The following BTRC variants were observed in gnomAD, a reference collection of about 807,000 sequenced individuals.
BTRC encodes the protein F-box/WD repeat-containing protein 1A.
Under a neutral mutation model 85.5 loss-of-function variants are expected in BTRC, and 42 were observed. The observed-to-expected ratio is 0.49, with a 90% CI of 0.38 to 0.64. The LOEUF is 0.64. Ranked by LOEUF, BTRC falls within the 30% of genes least tolerant of loss-of-function variation. The pLI is 0.00. For synonymous variants in BTRC, 255 were observed against 263.3 expected (o/e 0.97, Z 0.30); for missense variants, 594 against 743.5 (o/e 0.80, Z 2.34).
At chr10:101,397,835 A>G (rs1943402603) in intron 1 of BTRC, among the ~76,000 whole-genome samples, 1 of 152,196 alleles carries the variant, frequency 6.6e-6, no homozygotes, top group Non-Finnish European at 1.5e-5. Context: ...CTATGAACAG[A>G]TGGATTTGAT....
intron 4 of BTRC, among the ~76,000 whole-genome samples, chr10:101,499,942 C>G (rs773784415): frequency 2.6e-5 from 4 of 151,818 alleles, no homozygotes; most frequent in African/African-American, 4.8e-5. Context: ...AGAAAAAGCT[C>G]TCTGCAATAC....
intron 1 of BTRC, among the ~76,000 whole-genome samples, chr10:101,408,208 C>T (rs911753921): frequency 5.3e-5 from 8 of 151,948 alleles, no homozygotes; most frequent in Non-Finnish European, 1.0e-4. Flanking sequence ...TATGTTTAGA[C>T]CATACATTTA....
At chr10:101,467,575 A>G (rs539227335) in intron 3 of BTRC, among the ~76,000 whole-genome samples, 1 of 152,180 alleles carries the variant, frequency 6.6e-6, no homozygotes, top group East Asian at 1.9e-4. Flanking sequence ...TGTCTTGTAA[A>G]TACTTTCGTT....
At chr10:101,530,728 G>C (rs1564829122) in intron 6 of BTRC, among the ~76,000 whole-genome samples, 1 of 152,194 alleles carries the variant, frequency 6.6e-6, no homozygotes, top group Non-Finnish European at 1.5e-5. Context: ...AAGCAAATCA[G>C]TGTTGGTCAG....
chr10:101,500,739 C>T (rs1007480001), intron 4 of BTRC, among the ~76,000 whole-genome samples: 1 of 152,086 alleles, frequency 6.6e-6, no homozygotes, highest in Non-Finnish European at 1.5e-5. Context: ...TTAAAGTCAG[C>T]ATGTAGAAAA....
At chr10:101,477,064 C>T (rs1293036719) in intron 3 of BTRC, among the ~76,000 whole-genome samples, 2 of 152,186 alleles carry the variant, frequency 1.3e-5, no homozygotes, top group African/African-American at 4.8e-5. Flanking sequence ...GCAGCCTCTG[C>T]CTCCCGGGTT....
intron 2 of BTRC, among the ~76,000 whole-genome samples, chr10:101,432,522 T>C (rs951821156): frequency 2.0e-5 from 3 of 152,186 alleles, no homozygotes; most frequent in African/African-American, 7.2e-5. Context: ...TTGTTTTGTT[T>C]TTTAACCTTT....
chr10:101,366,984 T>A lies in BTRC; in HGVS notation c.48+12756T>A, dbSNP rs1243582530. Among the ~76,000 whole-genome samples the A allele has an allele frequency of 1.9e-4, 12 of 63,464 alleles. 1 individual carries two copies. The highest frequency in any genetic ancestry group is 1.8e-3 in the South Asian group (5 of 2,738). The allele number at this position is 63,464 out of a possible 152,430, so 41.6% of individuals were successfully genotyped here. On this transcript the variant is annotated intron_variant, in intron 1 of 14. Transcript: ENST00000370187. The stretch of plus-strand genomic sequence containing the variant: ...TTTATATAAATATATATTTATATAT[T>A]TATATATATTAATATATATATTTAT...
At chr10:101,373,364 GC>G (rs1393643328) in intron 1 of BTRC, among the ~76,000 whole-genome samples, 43 of 152,294 alleles carry the variant, frequency 2.8e-4, no homozygotes, top group African/African-American at 1.0e-3. Flanking sequence ...CTGGGCTTGA[GC>G]TAGGGCAGTA....
chr10:101,377,847 G>A (rs1205638306), intron 1 of BTRC, among the ~76,000 whole-genome samples: 1 of 152,096 alleles, frequency 6.6e-6, no homozygotes, highest in African/African-American at 2.4e-5. Context: ...CCATGTGACA[G>A]TGTGGATAAG....
At position 101,372,036 on chromosome 10, in the gene BTRC, G is replaced by T. The variant is rs1262168763; in HGVS notation, c.48+17808G>T. On this transcript the variant is annotated intron_variant, in intron 1 of 14. Transcript: ENST00000370187. ...AAGATTGTTCTTTTTCTATTGCAGG[G>T]TCATTTTTGTCATATTAATGTCTAT... Among the ~76,000 whole-genome samples the T allele has an allele frequency of 2.6e-5, 4 of 151,844 alleles. No individual in the cohort carries two copies. The South Asian group carries it at 6.2e-4, about 24-fold the overall frequency.
At chr10:101,446,234 G>A (rs2134125847) in intron 2 of BTRC, among the ~76,000 whole-genome samples, 1 of 151,584 alleles carries the variant, frequency 6.6e-6, no homozygotes, top group East Asian at 2.0e-4. Flanking sequence ...AATTTCCTGT[G>A]GAAACGGAAA....
chr10:101,480,005 A>C (rs1031181336), intron 4 of BTRC, among the ~76,000 whole-genome samples: 3 of 152,194 alleles, frequency 2.0e-5, no homozygotes, highest in African/African-American at 7.2e-5. Flanking sequence ...AATTAATCTT[A>C]AATATTAGAG....
intron 2 of BTRC, among the ~76,000 whole-genome samples, chr10:101,452,635 A>G (rs1002723401): frequency 1.3e-5 from 2 of 152,080 alleles, no homozygotes; most frequent in Middle Eastern, 3.2e-3. Flanking sequence ...AGGCAGTGCT[A>G]ATGGAAGTCC....
At chr10:101,551,062 C>G in intron 14 of BTRC, 171 bp downstream of exon 14, 1 of 537,764 alleles carries the variant, frequency 1.9e-6, no homozygotes, top group Non-Finnish European at 3.1e-6. Flanking sequence ...TGGACAGTGC[C>G]TTTCACCAAG....
chr10:101,547,068 A>G (rs879676543), intron 13 of BTRC, among the ~76,000 whole-genome samples: 9 of 152,208 alleles, frequency 5.9e-5, no homozygotes, highest in Non-Finnish European at 2.9e-5. Context: ...AAAGAAAAAT[A>G]CAGACTAATA....
At chr10:101,550,459 ATT>A (rs1403707737) in intron 13 of BTRC, among the ~76,000 whole-genome samples, 1 of 151,556 alleles carries the variant, frequency 6.6e-6, no homozygotes, top group African/African-American at 2.4e-5. Flanking sequence ...AACTTTTTGT[ATT>A]TTTATAGAGA....
chr10:101,511,475 C>T, intron 4 of BTRC, among the ~76,000 whole-genome samples: 1 of 152,134 alleles, frequency 6.6e-6, no homozygotes, highest in East Asian at 1.9e-4. Context: ...AGTTCTCGTG[C>T]CTCAGACTCC....
intron 13 of BTRC, among the ~76,000 whole-genome samples, chr10:101,538,713 C>A (rs2062423836): frequency 6.6e-6 from 1 of 152,008 alleles, no homozygotes; most frequent in Non-Finnish European, 1.5e-5. Flanking sequence ...CAAATTGGAA[C>A]CTGTCCAAAA....
Sources: allele counts gnomAD v4.1 joint callset (sites outside exome capture counted in the v4.1 genomes callset), GRCh38; gene constraint gnomAD v4.1.1; transcripts MANE v1.5; gene names NCBI Gene and HGNC (gene_info 2026-07-23, HGNC 2026-07-21).